The following PLEKHA8 variants were observed in gnomAD, a reference collection of about 807,000 sequenced individuals.
The protein encoded by PLEKHA8 is pleckstrin homology domain-containing family A member 8.
A neutral mutation model predicts 68.2 loss-of-function variants in PLEKHA8; 36 were observed. That is an observed-to-expected ratio of 0.53 (90% CI 0.40 to 0.70). PLEKHA8 has a LOEUF of 0.70. PLEKHA8 is among the 30% of genes least tolerant of loss of function. The probability of loss-of-function intolerance (pLI) is 0.00; values close to 1 mark genes in which losing one functional copy is unlikely to be tolerated. For synonymous variants in PLEKHA8, 211 were observed against 216.1 expected (o/e 0.98, Z 0.20); for missense variants, 505 against 615.4 (o/e 0.82, Z 1.90).
At chr7:30,064,650 GA>G (rs1385961099) in intron 12 of PLEKHA8, among the ~76,000 whole-genome samples, 5 of 152,138 alleles carry the variant, frequency 3.3e-5, no homozygotes, top group Non-Finnish European at 7.4e-5. Context: ...CATGATATAT[GA>G]AGTTAATAAC....
At chr7:30,046,516 C>A (rs1791976618) in intron 3 of PLEKHA8, 151 bp downstream of exon 3, 1 of 897,212 alleles carries the variant, frequency 1.1e-6, no homozygotes, top group Non-Finnish European at 1.6e-6. Flanking sequence ...AAACCAGGGT[C>A]CATATCTAAC....
At chr7:30,068,502 A>G (rs1420714872) in intron 12 of PLEKHA8, among the ~76,000 whole-genome samples, 1 of 152,048 alleles carries the variant, frequency 6.6e-6, no homozygotes, top group Non-Finnish European at 1.5e-5. Context: ...CTTCACTGGC[A>G]GTTTGATATC....
intron 12 of PLEKHA8, among the ~76,000 whole-genome samples, chr7:30,073,815 T>G (rs1045890475): frequency 4.0e-4 from 60 of 151,818 alleles, no homozygotes; most frequent in Non-Finnish European, 4.7e-4. Flanking sequence ...TAGCGAGACC[T>G]CATCTCTACA....
chr7:30,117,746 T>A (rs988059589), intron 13 of PLEKHA8, among the ~76,000 whole-genome samples: 1 of 152,062 alleles, frequency 6.6e-6, no homozygotes, highest in Non-Finnish European at 1.5e-5. Flanking sequence ...ACAGTTTTGA[T>A]TTACAACTGC....
At chr7:30,056,762 T>A (rs1239680463) in intron 9 of PLEKHA8, among the ~76,000 whole-genome samples, 6 of 130,632 alleles carry the variant, frequency 4.6e-5, no homozygotes, top group Non-Finnish European at 6.4e-5. Flanking sequence ...TGTGTGTGTG[T>A]GTGTGTGTGT....
At chr7:30,077,208 T>C (rs1794660601) in intron 13 of PLEKHA8, among the ~76,000 whole-genome samples, 2 of 152,230 alleles carry the variant, frequency 1.3e-5, no homozygotes, top group Non-Finnish European at 2.9e-5. Context: ...TTCTATTATA[T>C]ATAATCTGTT....
chr7:30,089,320 C>T (rs1265143537), downstream of PLEKHA8, among the ~76,000 whole-genome samples: 7 of 152,048 alleles, frequency 4.6e-5, no homozygotes, highest in Non-Finnish European at 1.0e-4. Context: ...ACCCCAGCCC[C>T]TCTCACAAGA....
chr7:30,031,739 T>A (rs1464172152), intron 1 of PLEKHA8, among the ~76,000 whole-genome samples: 1 of 152,204 alleles, frequency 6.6e-6, no homozygotes, highest in Non-Finnish European at 1.5e-5. Context: ...TCTTTATATC[T>A]CTCCTGCTGC....
At chr7:30,061,091 G>A (rs1199268460) in intron 10 of PLEKHA8, 149 bp downstream of exon 10, 11 of 693,800 alleles carry the variant, frequency 1.6e-5, no homozygotes, top group East Asian at 8.3e-5. Context: ...CACTGTGAAT[G>A]CTCAGTAAGG....
chr7:30,049,124 C>T (rs1303351686), intron 4 of PLEKHA8, 100 bp from the exon 5 acceptor site: 2 of 1,381,750 alleles, frequency 1.4e-6, no homozygotes, highest in African/African-American at 1.4e-5. Context: ...CAGGTGGGTA[C>T]ATTATTATTA....
chr7:30,105,433 G>A (rs1334549999), intron 13 of PLEKHA8, among the ~76,000 whole-genome samples: 1 of 151,496 alleles, frequency 6.6e-6, no homozygotes, highest in African/African-American at 2.4e-5. Context: ...GCAGTGAGCT[G>A]TGATTGCACT....
rs1407876574 is a variant in PLEKHA8 at position 30,116,233 on chromosome 7, T to C, written c.1363-13033T>C. Among the ~76,000 whole-genome samples, 4 of 149,370 alleles carry C rather than the reference T, an allele frequency of 2.7e-5. No homozygotes were observed. In the East Asian group the frequency reaches 5.9e-4, roughly 22 times the overall value. ...GTATACATATGTATATACGTATACA[T>C]GTATGCGTATACATGTACACGTATA... On this transcript the variant is annotated intron_variant, in intron 13 of 13. Transcript: ENST00000396257.
chr7:30,077,812 C>G (rs1794701044), intron 13 of PLEKHA8, among the ~76,000 whole-genome samples: 1 of 152,074 alleles, frequency 6.6e-6, no homozygotes, highest in East Asian at 1.9e-4. Flanking sequence ...CGCCAGAAAA[C>G]AGATTTTAGC....
At position 30,046,346 on chromosome 7, in the gene PLEKHA8, T is replaced by A; in HGVS notation, c.294T>A (p.Ser98Arg). 7 of 1,610,096 alleles carry A rather than the reference T, an allele frequency of 4.3e-6. No homozygotes were observed. Among genetic ancestry groups the A allele is most frequent in the Non-Finnish European group, 5.9e-6 (7 of 1,178,272 alleles). Residue 98 changes from serine (S) to arginine (R), a missense_variant, in exon 3 of 14, where the codon AGT becomes AGA. Physicochemically the swap from Ser to Arg is moderately radical, Grantham distance 110. Transcript: ENST00000449726. ...LGSAKACLTD[S>R]RTQKEKEFAE... is the part of the protein sequence containing the mutation. ...CAGCCAAGGCTTGCCTGACTGACAG[T>A]AGGACCCAGAAGGAGAAAGGCAAGT...
intron 12 of PLEKHA8, among the ~76,000 whole-genome samples, chr7:30,089,884 T>C (rs753478792): frequency 6.6e-6 from 1 of 151,960 alleles, no homozygotes; most frequent in Non-Finnish European, 1.5e-5. Flanking sequence ...CAAATAAATA[T>C]ATTCGAAATA....
chr7:30,056,312 C>CTCTCTCTCTCTATATATA (rs796845171), intron 9 of PLEKHA8, among the ~76,000 whole-genome samples: 60 of 94,544 alleles, frequency 6.3e-4, no homozygotes, highest in African/African-American at 1.0e-3. Context: ...CTCTCTCTCT[C>CTCTCTCTCTCTATATATA]TATATATATA....
chr7:30,087,961 C>T (rs1412237778), downstream of PLEKHA8, among the ~76,000 whole-genome samples: 1 of 152,230 alleles, frequency 6.6e-6, no homozygotes, highest in Non-Finnish European at 1.5e-5. Flanking sequence ...CTCATTAAAT[C>T]ATGAACTTTA....
At chr7:30,118,491 A>C (rs1043555869) in intron 13 of PLEKHA8, 1 of 154,154 alleles carries the variant, frequency 6.5e-6, no homozygotes, top group East Asian at 1.9e-4. Context: ...GACTAGAACC[A>C]GGAGCTGAAA....
intron 13 of PLEKHA8, among the ~76,000 whole-genome samples, chr7:30,102,807 G>A (rs1795898769): frequency 6.6e-6 from 1 of 152,216 alleles, no homozygotes; most frequent in African/African-American, 2.4e-5. Context: ...AGCACTTTGG[G>A]AGGCATAGGT....
Sources: allele counts gnomAD v4.1 joint callset (sites outside exome capture counted in the v4.1 genomes callset), GRCh38; gene constraint gnomAD v4.1.1; transcripts MANE v1.5; gene names NCBI Gene and HGNC (gene_info 2026-07-23, HGNC 2026-07-21).